Variants in COL4A2 observed in about 807,000 individuals in gnomAD.
COL4A2 encodes the protein collagen type IV alpha 2 chain.
Under a neutral mutation model 200.2 loss-of-function variants are expected in COL4A2, and 99 were observed. The observed-to-expected ratio is 0.49, with a 90% CI of 0.42 to 0.58. The LOEUF is 0.58. COL4A2 is among the 20% of genes least tolerant of loss of function. COL4A2 has a pLI of 0.00. For synonymous variants in COL4A2, 897 were observed against 900.6 expected, an observed-to-expected ratio of 1.00 and a Z score of 0.07; for missense variants, 1,950 against 2,314.1, an observed-to-expected ratio of 0.84 and a Z score of 3.23.
chr13:110,317,981 G>T (rs1198917908), intron 3 of COL4A2, among the ~76,000 whole-genome samples: 1 of 152,134 alleles, frequency 6.6e-6, no homozygotes, highest in Non-Finnish European at 1.5e-5. Context: ...TTCTCTCACC[G>T]CCCCGTGTTT....
intron 20 of COL4A2, among the ~76,000 whole-genome samples, chr13:110,451,989 C>T (rs75959849): frequency 3.2e-4 from 48 of 152,360 alleles, no homozygotes; most frequent in Middle Eastern, 6.8e-3. Context: ...CCTCTTCTTT[C>T]CAAAGTAGTT....
chr13:110,372,048 A>G (rs1489134954), intron 4 of COL4A2, among the ~76,000 whole-genome samples: 1 of 152,184 alleles, frequency 6.6e-6, no homozygotes. Flanking sequence ...TAAGAATGCT[A>G]CATCCCACTC....
intron 22 of COL4A2, among the ~76,000 whole-genome samples, chr13:110,461,121 G>A (rs561934463): frequency 3.9e-5 from 6 of 152,346 alleles, no homozygotes; most frequent in South Asian, 4.1e-4. Flanking sequence ...TCCAGGCTGC[G>A]ATTTGAGAGT....
intron 4 of COL4A2, among the ~76,000 whole-genome samples, chr13:110,360,982 G>T (rs998065123): frequency 6.6e-6 from 1 of 152,234 alleles, no homozygotes; most frequent in East Asian, 1.9e-4. Flanking sequence ...AGCACACAGG[G>T]CTGCTCTGTT....
At chr13:110,383,507 T>G (rs1878569295) in intron 4 of COL4A2, among the ~76,000 whole-genome samples, 1 of 151,936 alleles carries the variant, frequency 6.6e-6, no homozygotes, top group Non-Finnish European at 1.5e-5. Context: ...TAGATTTTGT[T>G]GGGGGGTGAT....
At chr13:110,367,806 C>CT (rs1877819393) in intron 4 of COL4A2, among the ~76,000 whole-genome samples, 1 of 152,318 alleles carries the variant, frequency 6.6e-6, no homozygotes, top group African/African-American at 2.4e-5. Flanking sequence ...TTCAACCCTG[C>CT]TTAGAGAAGT....
At chr13:110,471,722 G>C (rs147567476) in intron 28 of COL4A2, among the ~76,000 whole-genome samples, 18 of 152,242 alleles carry the variant, frequency 1.2e-4, no homozygotes, top group Admixed American at 2.6e-4. Flanking sequence ...TGGCTTTACC[G>C]GCCCAGGAGG....
intron 4 of COL4A2, among the ~76,000 whole-genome samples, chr13:110,424,066 C>G (rs1333346341): frequency 1.3e-5 from 2 of 152,206 alleles, no homozygotes; most frequent in South Asian, 4.1e-4. Context: ...ATCGTGGGAT[C>G]CCGTAGTGAT....
chr13:110,412,070 T>C (rs7323228), intron 4 of COL4A2, among the ~76,000 whole-genome samples: 54,076 of 152,140 alleles, frequency 0.36, 9,742 homozygotes, highest in East Asian at 0.43. Context: ...AACACTCTCT[T>C]GTGGACCCTC....
intron 3 of COL4A2, among the ~76,000 whole-genome samples, chr13:110,347,047 G>C (rs947471823): frequency 7.2e-5 from 11 of 152,242 alleles, no homozygotes; most frequent in African/African-American, 2.7e-4. Flanking sequence ...GCGCATCTCA[G>C]CCTGCTTTTC....
In COL4A2 at chr13:110,405,711, C is replaced by G. The variant is rs1313006561; in HGVS notation, c.181-19023C>G. Among the ~76,000 whole-genome samples, 8 of 152,312 alleles carry G rather than the reference C, an allele frequency of 5.3e-5. No individual in the cohort carries two copies. In the East Asian group the frequency reaches 1.5e-3, roughly 29 times the overall value. On this transcript the variant is annotated intron_variant, in intron 4 of 47. Coordinates refer to ENST00000360467, the MANE Select transcript of COL4A2 (RefSeq NM_001846.4). Reference sequence around the variant, plus strand: ...ACTTACACATTGAGCAATTTATATACTATTTGAAGCCACCTCACTTTTTCC... The same window carrying G: ...ACTTACACATTGAGCAATTTATATAGTATTTGAAGCCACCTCACTTTTTCC...
At position 110,424,938 on chromosome 13, in the gene COL4A2, T is replaced by C. The variant is rs746144961; in HGVS notation, c.316-15T>C. The C allele has an allele frequency of 1.2e-6, 2 of 1,614,212 alleles. No individual in the cohort carries two copies. The highest frequency in any genetic ancestry group is 2.2e-5 in the South Asian group (2 of 91,088). ...GTATCTCAGCCTTGGTTAATTGCATTTGCTTTCTTCATAGGGAGCAAGAGG... is the reference window on the plus strand; with the variant it reads ...GTATCTCAGCCTTGGTTAATTGCATCTGCTTTCTTCATAGGGAGCAAGAGG... On this transcript the variant is annotated splice_polypyrimidine_tract_variant and intron_variant, in intron 5 of 47. Coordinates refer to ENST00000360467, the MANE Select transcript of COL4A2 (RefSeq NM_001846.4).
At chr13:110,373,543 CA>C (rs1424545176) in intron 4 of COL4A2, among the ~76,000 whole-genome samples, 1 of 152,188 alleles carries the variant, frequency 6.6e-6, no homozygotes. Context: ...AGGATTTAAG[CA>C]AAAAGCTGCT....
intron 3 of COL4A2, among the ~76,000 whole-genome samples, chr13:110,318,050 TAAA>T (rs1016007551): frequency 6.6e-6 from 1 of 152,140 alleles, no homozygotes; most frequent in Non-Finnish European, 1.5e-5. Context: ...TGTGGTCTGT[TAAA>T]AAGAAGTGGA....
chr13:110,474,926 A>G (rs919143238), intron 29 of COL4A2, among the ~76,000 whole-genome samples: 1 of 70,728 alleles, frequency 1.4e-5, no homozygotes, highest in African/African-American at 4.9e-5. Flanking sequence ...ACATGCACAT[A>G]CCCACACACG....
At chr13:110,435,870 T>G (rs1450780780) in intron 12 of COL4A2, among the ~76,000 whole-genome samples, 2 of 152,212 alleles carry the variant, frequency 1.3e-5, no homozygotes, top group African/African-American at 4.8e-5. Context: ...AGTCTTTCAT[T>G]TCTTCAGCAT....
chr13:110,495,046 A>G (rs1439950150), intron 39 of COL4A2, among the ~76,000 whole-genome samples: 1 of 152,212 alleles, frequency 6.6e-6, no homozygotes, highest in Non-Finnish European at 1.5e-5. Flanking sequence ...CCAGGAGCCT[A>G]GAGGCCCGGG....
chr13:110,436,320 C>T lies in COL4A2; in HGVS notation c.778C>T (p.Pro260Ser), dbSNP rs1360473582. Residue 260 changes from proline to serine, a missense_variant, in exon 13 of 48, where the codon CCC becomes TCC. By Grantham distance (74) the Pro-to-Ser change is moderately conservative. Transcript: ENST00000360467. ...PNGIPSDTLH[P>S]IIAPTGVTFH... is the part of the protein sequence containing the mutation. ...CGGGATTCCATCAGACACCCTCCAC[C>T]CCATCATCGCGCCCACAGGAGTCAC... The T allele has an allele frequency of 6.2e-7, 1 of 1,613,932 alleles. No homozygotes were observed. Among genetic ancestry groups the T allele is most frequent in the South Asian group, 1.1e-5 (1 of 91,056 alleles).
At chr13:110,480,148 C>G in intron 30 of COL4A2, 72 bp from the exon 31 acceptor site, 1 of 1,449,746 alleles carries the variant, frequency 6.9e-7, no homozygotes, top group Non-Finnish European at 9.3e-7. Context: ...CACTCAATGC[C>G]GTAAAAGCAG....
Sources: allele counts gnomAD v4.1 joint callset (sites outside exome capture counted in the v4.1 genomes callset), GRCh38; gene constraint gnomAD v4.1.1; transcripts MANE v1.5; gene names NCBI Gene and HGNC (gene_info 2026-07-23, HGNC 2026-07-21).